Variants in SNTG1 observed in about 807,000 individuals in gnomAD.
SNTG1 encodes the protein syntrophin gamma 1, also known as gamma-1-syntrophin.
In SNTG1, 39 loss-of-function variants were observed where a neutral mutation model predicts 74.7. The ratio of observed to expected loss-of-function variants is 0.52; its 90% CI spans 0.40 to 0.68. The LOEUF is 0.68. Ranked by LOEUF, SNTG1 falls within the 30% of genes least tolerant of loss-of-function variation. The pLI is 0.00. For missense variants in SNTG1, 685 were observed against 609.5 expected (o/e 1.12, Z -1.30); for synonymous variants, 254 against 217.1 (o/e 1.17, Z -1.49).
At chr8:50,631,350 C>A (rs1352445757) in intron 13 of SNTG1, among the ~76,000 whole-genome samples, 2 of 152,128 alleles carry the variant, frequency 1.3e-5, no homozygotes, top group Non-Finnish European at 2.9e-5. Flanking sequence ...TTTTGGAACA[C>A]CATTTCTTCA....
chr8:50,190,056 A>T (rs1563717879), intron 2 of SNTG1, among the ~76,000 whole-genome samples: 1 of 152,104 alleles, frequency 6.6e-6, no homozygotes, highest in Non-Finnish European at 1.5e-5. Context: ...GGTAGCTTTC[A>T]TTCATTTATT....
At chr8:50,008,107 G>A (rs944863275) in intron 1 of SNTG1, among the ~76,000 whole-genome samples, 4 of 151,988 alleles carry the variant, frequency 2.6e-5, no homozygotes, top group African/African-American at 7.3e-5. Context: ...TGGGGACACA[G>A]AGCCAAATCA....
At chr8:49,950,171 C>T (rs1274871095) in intron 1 of SNTG1, among the ~76,000 whole-genome samples, 3 of 152,072 alleles carry the variant, frequency 2.0e-5, no homozygotes, top group Non-Finnish European at 2.9e-5. Flanking sequence ...AAACGCATTC[C>T]TTAAAGGAAA....
chr8:50,383,350 T>C (rs946669217), intron 2 of SNTG1, among the ~76,000 whole-genome samples: 2 of 152,116 alleles, frequency 1.3e-5, no homozygotes, highest in African/African-American at 4.8e-5. Flanking sequence ...TGCTGTGATG[T>C]AAAATTAACT....
At chr8:50,556,661 A>G (rs1051423340) in intron 12 of SNTG1, among the ~76,000 whole-genome samples, 10 of 152,170 alleles carry the variant, frequency 6.6e-5, no homozygotes, top group Non-Finnish European at 1.2e-4. Context: ...GGAACCTTGG[A>G]AATAAGTAAA....
At chr8:49,962,429 A>G (rs1001544185) in intron 1 of SNTG1, among the ~76,000 whole-genome samples, 1 of 151,946 alleles carries the variant, frequency 6.6e-6, no homozygotes, top group African/African-American at 2.4e-5. Flanking sequence ...AGATGCTCAC[A>G]TATATCACAT....
At chr8:49,921,501 T>C (rs1218221936) in intron 1 of SNTG1, among the ~76,000 whole-genome samples, 2 of 152,070 alleles carry the variant, frequency 1.3e-5, no homozygotes, top group African/African-American at 4.8e-5. Flanking sequence ...TCTAGGAAGA[T>C]AGTAGGGATC....
intron 4 of SNTG1, among the ~76,000 whole-genome samples, chr8:50,430,577 G>A (rs2093222939): frequency 3.3e-5 from 5 of 152,178 alleles, no homozygotes; most frequent in Admixed American, 2.6e-4. Flanking sequence ...TGCTGAAGAA[G>A]CCAAGGAACC....
intron 1 of SNTG1, among the ~76,000 whole-genome samples, chr8:50,160,863 T>C (rs2082394684): frequency 6.6e-6 from 1 of 152,116 alleles, no homozygotes; most frequent in African/African-American, 2.4e-5. Context: ...AGAATATTTT[T>C]TGAAGGAGTT....
intron 2 of SNTG1, among the ~76,000 whole-genome samples, chr8:50,340,677 T>C (rs1292732838): frequency 6.6e-6 from 1 of 151,920 alleles, no homozygotes; most frequent in Admixed American, 6.6e-5. Flanking sequence ...AATGAGTTTA[T>C]GGATACAATA....
chr8:50,370,714 G>T (rs1052798702), intron 2 of SNTG1, among the ~76,000 whole-genome samples: 4 of 152,010 alleles, frequency 2.6e-5, no homozygotes, highest in Non-Finnish European at 5.9e-5. Context: ...CTTTCTTCCA[G>T]ACCTATAACT....
intron 15 of SNTG1, among the ~76,000 whole-genome samples, chr8:50,696,176 G>A (rs937148700): frequency 1.3e-5 from 2 of 151,974 alleles, no homozygotes; most frequent in African/African-American, 4.8e-5. Context: ...GGATAAGATG[G>A]TATCTCACTG....
chr8:50,668,496 ATT>A (rs1491092629), intron 15 of SNTG1, among the ~76,000 whole-genome samples: 2 of 3,842 alleles, frequency 5.2e-4, no homozygotes, highest in Non-Finnish European at 1.9e-3. Flanking sequence ...TCTTTCGCAC[ATT>A]ATTATTATTA....
intron 4 of SNTG1, among the ~76,000 whole-genome samples, chr8:50,412,503 T>G (rs2092962360): frequency 6.6e-6 from 1 of 152,140 alleles, no homozygotes; most frequent in South Asian, 2.1e-4. Context: ...ATGAAACAAG[T>G]GAATGCAAGT....
At chr8:49,952,546 G>C (rs1809816946) in intron 1 of SNTG1, among the ~76,000 whole-genome samples, 1 of 152,192 alleles carries the variant, frequency 6.6e-6, no homozygotes, top group Non-Finnish European at 1.5e-5. Flanking sequence ...GAATAGGTTA[G>C]AGAAATAGGC....
At chr8:50,425,393 G>T (rs2093150186) in intron 4 of SNTG1, among the ~76,000 whole-genome samples, 1 of 152,012 alleles carries the variant, frequency 6.6e-6, no homozygotes, top group Non-Finnish European at 1.5e-5. Context: ...GCACACGCCA[G>T]GGATCTAGGT....
intron 1 of SNTG1, chr8:50,163,960 CT>C (rs2082519599): frequency 6.6e-6 from 1 of 152,152 alleles, no homozygotes; most frequent in South Asian, 2.1e-4. Context: ...GCCTTTAGCA[CT>C]GCAAATTATT....
At chr8:50,160,121 T>C (rs187500699) in intron 1 of SNTG1, among the ~76,000 whole-genome samples, 1 of 152,342 alleles carries the variant, frequency 6.6e-6, no homozygotes, top group Non-Finnish European at 1.5e-5. Context: ...GACATGCTCT[T>C]GGGCATTGCA....
rs1821421175 is a variant in SNTG1, at chr8:50,072,099, TTACAATTTAGTA to T, written c.-102-100460_-102-100449del. On this transcript the variant is annotated intron_variant, in intron 1 of 18. Coordinates refer to ENST00000642720, the MANE Select transcript of SNTG1 (RefSeq NM_018967.5). ...AAATATCAGAAAATTAAATAGCAGATTACAATTTAGTATTATGGCTAAGACCTTGAGCTTTTA... is the reference window on the plus strand; with the variant it reads ...AAATATCAGAAAATTAAATAGCAGATTTATGGCTAAGACCTTGAGCTTTTA... Among the ~76,000 whole-genome samples the T allele has an allele frequency of 2.0e-5, 3 of 152,202 alleles. No homozygotes were observed. The South Asian group carries it at 6.2e-4, about 31-fold the overall frequency.
Sources: allele counts gnomAD v4.1 joint callset (sites outside exome capture counted in the v4.1 genomes callset), GRCh38; gene constraint gnomAD v4.1.1; transcripts MANE v1.5; gene names NCBI Gene and HGNC (gene_info 2026-07-23, HGNC 2026-07-21).